Variants in KCNN3 observed in about 807,000 individuals in gnomAD.
The protein encoded by KCNN3 is small conductance calcium-activated potassium channel protein 3.
Under a neutral mutation model 62.9 loss-of-function variants are expected in KCNN3, and 16 were observed. That is an observed-to-expected ratio of 0.25 (90% CI 0.17 to 0.39). The LOEUF is 0.39. Among genes scored for constraint, KCNN3 ranks in the 10% least tolerant of loss-of-function variants. The probability of loss-of-function intolerance (pLI) is 1.00; values close to 1 mark genes in which losing one functional copy is unlikely to be tolerated. For missense variants in KCNN3, 599 were observed against 949.4 expected, an observed-to-expected ratio of 0.63 and a Z score of 4.85; for synonymous variants, 370 against 389.2, an observed-to-expected ratio of 0.95 and a Z score of 0.58.
At chr1:154,804,103 C>A (rs1341026060) in intron 2 of KCNN3, among the ~76,000 whole-genome samples, 1 of 152,186 alleles carries the variant, frequency 6.6e-6, no homozygotes, top group Non-Finnish European at 1.5e-5. Context: ...CTGGGATGCA[C>A]CTTGAAAGGA....
At chr1:154,831,407 G>A (rs1470504387) in intron 1 of KCNN3, among the ~76,000 whole-genome samples, 1 of 152,182 alleles carries the variant, frequency 6.6e-6, no homozygotes, top group African/African-American at 2.4e-5. Context: ...TGAGGGGCTT[G>A]GCACCACCCC....
chr1:154,807,717 G>A (rs900101100), intron 2 of KCNN3, among the ~76,000 whole-genome samples: 2 of 152,150 alleles, frequency 1.3e-5, no homozygotes, highest in Non-Finnish European at 2.9e-5. Flanking sequence ...GATCAGTGTC[G>A]CTCCTGCTAA....
chr1:154,735,672 C>T (rs866209085), intron 3 of KCNN3, among the ~76,000 whole-genome samples: 1 of 152,196 alleles, frequency 6.6e-6, no homozygotes, highest in African/African-American at 2.4e-5. Flanking sequence ...CATCAGCCCC[C>T]TCCCAGTTCT....
At position 154,706,807 on chromosome 1, in the gene KCNN3, G is replaced by A. The variant is rs1699974089; in HGVS notation, c.*1169C>T. 1.3e-5 allele frequency: 2 copies of A among 152,194 alleles called. No individual in the cohort carries two copies. The highest frequency in any genetic ancestry group is 3.8e-4 in the East Asian group (2 of 5,198). The allele number at this position is 152,194 out of a possible 1,614,324, so 9.4% of individuals were successfully genotyped here. A position where few individuals can be genotyped will look rare whatever the true frequency, so the allele number is the denominator to read the frequency against. ...TGGCCCTTTTGCACTACTAACATCT[G>A]GGGCTGGAAACCTGTTGCTGGATAA... is the stretch of plus-strand genomic sequence containing the variant. On this transcript the variant is annotated 3_prime_UTR_variant, in exon 8 of 8. Transcript: ENST00000271915.
chr1:154,869,540 C>T lies in KCNN3; in HGVS notation c.425G>A (p.Ser142Asn). Residue 142 changes from serine (S) to asparagine (N), a missense_variant, in exon 1 of 8, where the codon AGT becomes AAT. Physicochemically the swap from Ser to Asn is conservative, Grantham distance 46. Transcript: ENST00000271915. The surrounding 1 kb of genome is among the most constrained non-coding windows in gnomAD (Gnocchi z 6.1). ...GCCAGGCCCACTTGTAGCTGTGGAA[C>T]TTGGAGAGTGGCCAAGCAAGTGGTC... is the stretch of plus-strand genomic sequence containing the variant. ...LNDHLLGHSP[S>N]STATSGPGGG... 6.2e-7 allele frequency: 1 copy of T among 1,614,090 alleles called. No individual in the cohort carries two copies. The highest frequency in any genetic ancestry group is 2.2e-5 in the East Asian group (1 of 44,872).
At chr1:154,868,917 TCTCTCTCTCTCTCTCTCTCA>T in intron 1 of KCNN3, 95 bp downstream of exon 1, 2 of 1,035,038 alleles carry the variant, frequency 1.9e-6, no homozygotes, top group Non-Finnish European at 3.0e-6. Context: ...TCTCTCTCTC[TCTCTCTCTCTCTCTCTCTCA>T]ATCTCTCTCT....
At chr1:154,756,969 C>T (rs1321616557) in intron 3 of KCNN3, among the ~76,000 whole-genome samples, 1 of 152,196 alleles carries the variant, frequency 6.6e-6, no homozygotes, top group African/African-American at 2.4e-5. Context: ...GAGAGCACTG[C>T]AGCTCAGAGA....
chr1:154,865,352 TAA>T (rs879455650), intron 1 of KCNN3, among the ~76,000 whole-genome samples: 5 of 142,174 alleles, frequency 3.5e-5, no homozygotes. Context: ...ACCTGCCTAT[TAA>T]AAAAAAAAAA....
At chr1:154,855,766 T>C (rs955163605) in intron 1 of KCNN3, among the ~76,000 whole-genome samples, 37 of 152,236 alleles carry the variant, frequency 2.4e-4, no homozygotes, top group African/African-American at 8.7e-4. Context: ...TCAATAACTT[T>C]GTCAAATGAA....
chr1:154,846,416 G>T (rs761761377), intron 1 of KCNN3, among the ~76,000 whole-genome samples: 1 of 152,218 alleles, frequency 6.6e-6, no homozygotes, highest in East Asian at 1.9e-4. Flanking sequence ...TCTGGAGGAC[G>T]ATTAGGCAGC....
At chr1:154,783,442 A>G (rs1649145209) in intron 2 of KCNN3, among the ~76,000 whole-genome samples, 1 of 152,098 alleles carries the variant, frequency 6.6e-6, no homozygotes, top group African/African-American at 2.4e-5. Context: ...TACAATATCC[A>G]TTTATCATCT....
chr1:154,721,111 A>G (rs1239633912), intron 5 of KCNN3, among the ~76,000 whole-genome samples: 1 of 152,118 alleles, frequency 6.6e-6, no homozygotes, highest in Non-Finnish European at 1.5e-5. Context: ...TGGGTGAGCT[A>G]CTTGGGGCAA....
At chr1:154,738,585 G>A (rs567955833) in intron 3 of KCNN3, among the ~76,000 whole-genome samples, 2 of 152,202 alleles carry the variant, frequency 1.3e-5, no homozygotes, top group East Asian at 1.9e-4. Context: ...CTACAGGGAG[G>A]CCCTCATAGG....
At chr1:154,829,195 G>A (rs1421593695) in intron 1 of KCNN3, among the ~76,000 whole-genome samples, 3 of 152,250 alleles carry the variant, frequency 2.0e-5, no homozygotes, top group African/African-American at 7.2e-5. Flanking sequence ...GAAGAGATGG[G>A]CCAAGGGTCA....
chr1:154,775,598 G>A (rs1320830079), intron 2 of KCNN3, among the ~76,000 whole-genome samples: 1 of 106,672 alleles, frequency 9.4e-6, no homozygotes, highest in Non-Finnish European at 1.7e-5. Flanking sequence ...GGATCCTGAA[G>A]GGAAACTACA....
chr1:154,708,391 T>C (rs1700005823), intron 7 of KCNN3, 119 bp from the exon 8 acceptor site: 2 of 1,021,310 alleles, frequency 2.0e-6, no homozygotes, highest in Non-Finnish European at 3.1e-6. Context: ...CACCAGCTGA[T>C]CTGGTCAAGG....
intron 3 of KCNN3, among the ~76,000 whole-genome samples, chr1:154,766,679 GGTTT>G (rs1399938479): frequency 6.9e-6 from 1 of 144,826 alleles, no homozygotes; most frequent in African/African-American, 2.6e-5. Flanking sequence ...TTTGTTTTGG[GGTTT>G]GTTTTTTTTT....
At chr1:154,727,456 C>G (rs1269553030) in intron 4 of KCNN3, among the ~76,000 whole-genome samples, 1 of 152,204 alleles carries the variant, frequency 6.6e-6, no homozygotes, top group Non-Finnish European at 1.5e-5. Flanking sequence ...AGCTATTTCT[C>G]TCTTTATCCC....
Position 154,869,776 on chromosome 1 carries a change from A to T in KCNN3, c.189T>A (p.Pro63=). ...GCTGCTGCTGCTGCTGAAGCTGCGG[A>T]GGCTGAGGCTGCAGCGAGGGTCCCA... The part of the protein sequence containing the change: ...QPLGPSLQPQ[P]PQLQQQQQQQ... The change falls in exon 1 of 8, where the codon CCT becomes CCA. Residue 63 remains proline, a synonymous_variant. Transcript: ENST00000271915. This position sits in a 1 kb window ranked among gnomAD's most constrained non-coding sequence, Gnocchi z 6.1. 9 of 841,842 alleles carry T rather than the reference A, an allele frequency of 1.1e-5. No individual in the cohort carries two copies. Among genetic ancestry groups the T allele is most frequent in the Middle Eastern group, 3.5e-4 (1 of 2,888 alleles). The allele number at this position is 841,842 out of a possible 1,614,324, so 52.1% of individuals were successfully genotyped here.
Sources: allele counts gnomAD v4.1 joint callset (sites outside exome capture counted in the v4.1 genomes callset), GRCh38; gene constraint gnomAD v4.1.1; non-coding constraint Gnocchi (gnomAD v3.1); transcripts MANE v1.5; gene names NCBI Gene and HGNC (gene_info 2026-07-23, HGNC 2026-07-21).